The following PPM1L variants were observed in gnomAD, a reference collection of about 807,000 sequenced individuals.
PPM1L encodes the protein protein phosphatase 1L.
In PPM1L, 13 loss-of-function variants were observed where a neutral mutation model predicts 31.4. The ratio of observed to expected loss-of-function variants is 0.41; its 90% CI spans 0.27 to 0.66. The LOEUF is 0.66. Ranked by LOEUF, PPM1L falls within the 30% of genes least tolerant of loss-of-function variation. PPM1L has a pLI of 0.29. For missense variants in PPM1L, 326 were observed against 453.7 expected, an observed-to-expected ratio of 0.72 and a Z score of 2.56; for synonymous variants, 184 against 175.4, an observed-to-expected ratio of 1.05 and a Z score of -0.39.
intron 1 of PPM1L, among the ~76,000 whole-genome samples, chr3:160,900,908 A>C (rs1406967316): frequency 1.3e-5 from 2 of 152,036 alleles, no homozygotes; most frequent in East Asian, 3.9e-4. Context: ...CTTTGTCCTC[A>C]CCTTTCTTAA....
At chr3:160,996,497 A>T (rs1189189168) in intron 2 of PPM1L, among the ~76,000 whole-genome samples, 1 of 152,230 alleles carries the variant, frequency 6.6e-6, no homozygotes, top group African/African-American at 2.4e-5. Flanking sequence ...AGCAACCTGG[A>T]TGGAATTGGA....
intron 2 of PPM1L, among the ~76,000 whole-genome samples, chr3:161,034,497 T>C (rs1158985329): frequency 6.6e-6 from 1 of 151,800 alleles, no homozygotes; most frequent in African/African-American, 2.4e-5. Flanking sequence ...ATACACCATA[T>C]AATACCATGC....
At chr3:161,002,120 G>C (rs1163295309) in intron 2 of PPM1L, among the ~76,000 whole-genome samples, 4 of 152,094 alleles carry the variant, frequency 2.6e-5, no homozygotes, top group Non-Finnish European at 5.9e-5. Flanking sequence ...AGTTTACTGA[G>C]AATGATGATT....
chr3:161,041,164 A>G (rs1385051937), intron 2 of PPM1L, among the ~76,000 whole-genome samples: 1 of 152,254 alleles, frequency 6.6e-6, no homozygotes, highest in Admixed American at 6.5e-5. Context: ...GTCTTTAGAC[A>G]AACTCAACCA....
intron 1 of PPM1L, among the ~76,000 whole-genome samples, chr3:160,873,438 G>C (rs1364705429): frequency 1.3e-5 from 2 of 152,156 alleles, no homozygotes; most frequent in African/African-American, 2.4e-5. Flanking sequence ...AATATTACCT[G>C]TCCTTGCCCT....
chr3:160,936,731 T>C (rs1414053612), intron 1 of PPM1L, among the ~76,000 whole-genome samples: 1 of 152,254 alleles, frequency 6.6e-6, no homozygotes, highest in Non-Finnish European at 1.5e-5. Context: ...CTACCTGATA[T>C]TATATTTCCT....
Position 160,852,024 on chromosome 3 carries a change from C to T in PPM1L, c.399+95317C>T, listed in dbSNP as rs530480891. ...GTTCTGTTTTATACATAATCATTTT[C>T]TGAACCATCAAGTGTAATTCAGCTT... On this transcript the variant is annotated intron_variant, in intron 1 of 3. Transcript: ENST00000498165. Among the ~76,000 whole-genome samples, 59 of 152,248 alleles carry T rather than the reference C, an allele frequency of 3.9e-4. No individual in the cohort carries two copies. The South Asian group carries it at 7.7e-3, about 20-fold the overall frequency.
At chr3:161,064,812 T>C (rs1184553356) in intron 2 of PPM1L, among the ~76,000 whole-genome samples, 2 of 152,092 alleles carry the variant, frequency 1.3e-5, no homozygotes, top group Non-Finnish European at 2.9e-5. Flanking sequence ...ACCAGAGCTT[T>C]CTCTGCTTCT....
intron 2 of PPM1L, among the ~76,000 whole-genome samples, chr3:161,063,719 CAT>C (rs945168236): frequency 6.6e-6 from 1 of 152,190 alleles, no homozygotes; most frequent in Non-Finnish European, 1.5e-5. Flanking sequence ...CACATACATA[CAT>C]ATGTTTATTG....
chr3:160,866,568 A>T (rs1161829962), intron 1 of PPM1L, among the ~76,000 whole-genome samples: 1 of 152,190 alleles, frequency 6.6e-6, no homozygotes, highest in African/African-American at 2.4e-5. Flanking sequence ...ATATCATCAC[A>T]TAAGCATCAA....
At chr3:160,795,156 A>G (rs1353976139) in intron 1 of PPM1L, among the ~76,000 whole-genome samples, 1 of 152,168 alleles carries the variant, frequency 6.6e-6, no homozygotes, top group Non-Finnish European at 1.5e-5. Flanking sequence ...AGATTGTATA[A>G]TATATTGGTA....
chr3:160,864,942 A>C (rs1446221894), intron 1 of PPM1L, among the ~76,000 whole-genome samples: 2 of 152,238 alleles, frequency 1.3e-5, no homozygotes, highest in Non-Finnish European at 2.9e-5. Context: ...CCAACACTTT[A>C]ATCTACCATG....
At chr3:160,872,379 T>G (rs1365784967) in intron 1 of PPM1L, among the ~76,000 whole-genome samples, 1 of 152,198 alleles carries the variant, frequency 6.6e-6, no homozygotes. Context: ...TTTAAAACTT[T>G]GACAATAACA....
At chr3:160,890,938 C>T (rs1301991292) in intron 1 of PPM1L, among the ~76,000 whole-genome samples, 5 of 152,168 alleles carry the variant, frequency 3.3e-5, no homozygotes, top group Admixed American at 1.3e-4. Flanking sequence ...AAAACTGAAA[C>T]TGGACCCCTT....
chr3:160,972,923 T>C lies in PPM1L; in HGVS notation c.574+11013T>C, dbSNP rs541097531. ...GGTGTGAGATGGTATCTCACTGTGG[T>C]TTTGATTTGCATTTCTCTGATGGCC... On this transcript the variant is annotated intron_variant, in intron 2 of 3. Transcript: ENST00000498165. Among the ~76,000 whole-genome samples, 3 of 152,162 alleles carry C rather than the reference T, an allele frequency of 2.0e-5. No homozygotes were observed. The East Asian group carries it at 5.8e-4, about 29-fold the overall frequency.
At chr3:160,905,176 C>T (rs890664974) in intron 1 of PPM1L, among the ~76,000 whole-genome samples, 3 of 152,080 alleles carry the variant, frequency 2.0e-5, no homozygotes, top group African/African-American at 7.2e-5. Context: ...CCTCATATAT[C>T]TTTATTATAC....
At chr3:160,835,166 T>C (rs1352774652) in intron 1 of PPM1L, among the ~76,000 whole-genome samples, 21 of 148,240 alleles carry the variant, frequency 1.4e-4, no homozygotes, top group African/African-American at 5.2e-4. Flanking sequence ...TTTTTTTTTT[T>C]TTTCAGAATG....
intron 2 of PPM1L, among the ~76,000 whole-genome samples, chr3:161,032,646 C>G (rs13325518): frequency 0.25 from 37,775 of 150,530 alleles, 4,994 homozygotes; most frequent in South Asian, 0.34. Context: ...TTGGAGCATG[C>G]TTATGAAGAA....
chr3:160,858,414 T>G (rs553574739), intron 1 of PPM1L, among the ~76,000 whole-genome samples: 2 of 152,138 alleles, frequency 1.3e-5, no homozygotes, highest in Non-Finnish European at 2.9e-5. Flanking sequence ...GCCCAGCTAA[T>G]TTTTGTATTT....
Sources: allele counts gnomAD v4.1 joint callset (sites outside exome capture counted in the v4.1 genomes callset), GRCh38; gene constraint gnomAD v4.1.1; transcripts MANE v1.5; gene names NCBI Gene and HGNC (gene_info 2026-07-23, HGNC 2026-07-21).